The following TPH2 variants were observed in gnomAD, a reference collection of about 807,000 sequenced individuals.
The protein encoded by TPH2 is tryptophan hydroxylase 2, also known as tryptophan 5-hydroxylase 2.
In TPH2, 27 loss-of-function variants were observed where a neutral mutation model predicts 59.1. The ratio of observed to expected loss-of-function variants is 0.46; its 90% CI spans 0.34 to 0.63. TPH2 has a LOEUF of 0.63. Ranked by LOEUF, TPH2 falls within the 30% of genes least tolerant of loss-of-function variation. The pLI, the probability that TPH2 is intolerant of heterozygous loss-of-function variation, is 0.01. For synonymous variants in TPH2, 220 were observed against 210.5 expected (o/e 1.05, Z -0.39); for missense variants, 523 against 588.3 (o/e 0.89, Z 1.15).
At chr12:71,940,016 T>G (rs1566108150) in intron 1 of TPH2, among the ~76,000 whole-genome samples, 1 of 152,178 alleles carries the variant, frequency 6.6e-6, no homozygotes, top group Non-Finnish European at 1.5e-5. Flanking sequence ...AAAGTAAACA[T>G]GGCAACTTCT....
chr12:71,970,856 C>A (rs1468761097), intron 5 of TPH2, among the ~76,000 whole-genome samples: 2 of 152,310 alleles, frequency 1.3e-5, no homozygotes, highest in African/African-American at 4.8e-5. Flanking sequence ...AAGACCTAGT[C>A]TTGGTATTCA....
chr12:72,006,663 T>G (rs569331622), intron 8 of TPH2, among the ~76,000 whole-genome samples: 1 of 152,122 alleles, frequency 6.6e-6, no homozygotes, highest in East Asian at 1.9e-4. Flanking sequence ...CTTGCTAACA[T>G]TGGACAATGT....
rs779491967 is a variant in TPH2, at chr12:71,938,991, A to T, written c.5A>T (p.Gln2Leu). M[Q>L]PAMMMFSSKY... ...AAGAATATTACACCGGGATCCATGC[A>T]GCCAGCAATGATGATGTTTTCCAGT... Residue 2 changes from glutamine to leucine, a missense_variant, in exon 1 of 11, where the codon CAG becomes CTG. By Grantham distance (113) the Gln-to-Leu change is moderately radical. Coordinates refer to ENST00000333850, the MANE Select transcript of TPH2 (RefSeq NM_173353.4). 3.7e-5 allele frequency: 59 copies of T among 1,613,738 alleles called. No individual in the cohort carries two copies. Among genetic ancestry groups the T allele is most frequent in the Non-Finnish European group, 5.0e-5 (59 of 1,179,780 alleles).
At chr12:71,986,719 G>A (rs12231731) in intron 7 of TPH2, among the ~76,000 whole-genome samples, 6,999 of 149,574 alleles carry the variant, frequency 0.047, 278 homozygotes, top group South Asian at 0.17. Context: ...TTCCTTGTGC[G>A]GAGCCCATAA....
intron 8 of TPH2, among the ~76,000 whole-genome samples, chr12:72,004,057 C>T (rs779888236): frequency 7.2e-6 from 1 of 138,830 alleles, no homozygotes; most frequent in Non-Finnish European, 1.6e-5. Flanking sequence ...TGCAGAAGCA[C>T]CATAGTCAAC....
chr12:71,981,363 C>T (rs1317569655), intron 7 of TPH2, among the ~76,000 whole-genome samples: 1 of 152,106 alleles, frequency 6.6e-6, no homozygotes, highest in Admixed American at 6.5e-5. Flanking sequence ...GGGAGCTATC[C>T]AAGGTTCTTA....
chr12:71,966,650 T>C (rs1871826526), intron 5 of TPH2, among the ~76,000 whole-genome samples: 1 of 152,200 alleles, frequency 6.6e-6, no homozygotes, highest in Non-Finnish European at 1.5e-5. Flanking sequence ...GATTCACCCA[T>C]TCCCTTACCC....
chr12:72,029,936 T>G (rs188366617), intron 9 of TPH2, among the ~76,000 whole-genome samples: 17 of 152,136 alleles, frequency 1.1e-4, no homozygotes, highest in African/African-American at 4.1e-4. Context: ...GTTTTCTGAA[T>G]TTCTCCAGGA....
At chr12:71,987,502 C>T (rs1296258023) in intron 7 of TPH2, among the ~76,000 whole-genome samples, 1 of 152,062 alleles carries the variant, frequency 6.6e-6, no homozygotes, top group Non-Finnish European at 1.5e-5. Context: ...GTAATAATAC[C>T]TAACTTACGG....
intron 8 of TPH2, among the ~76,000 whole-genome samples, chr12:72,009,982 T>C (rs1375757574): frequency 6.6e-6 from 1 of 152,216 alleles, no homozygotes; most frequent in Non-Finnish European, 1.5e-5. Flanking sequence ...TCAAGCTCCA[T>C]GTCAGTTTCC....
At chr12:71,974,185 C>A (rs1872052193) in intron 6 of TPH2, among the ~76,000 whole-genome samples, 1 of 152,114 alleles carries the variant, frequency 6.6e-6, no homozygotes, top group Admixed American at 6.5e-5. Context: ...ACTCATCAGG[C>A]TTGCCTCTAA....
chr12:71,966,846 A>G (rs1871832158), intron 5 of TPH2, among the ~76,000 whole-genome samples: 1 of 152,176 alleles, frequency 6.6e-6, no homozygotes, highest in Admixed American at 6.5e-5. Flanking sequence ...AAGTTCTTCT[A>G]AAGATAACAC....
At chr12:71,964,825 TTTG>T (rs1871771629) in intron 5 of TPH2, 1 of 787,136 alleles carries the variant, frequency 1.3e-6, no homozygotes, top group Non-Finnish European at 1.5e-6. Context: ...CATGTGAAGG[TTTG>T]TTACATAGGT....
rs116663711 is a variant in TPH2 at position 72,030,616 on chromosome 12, A to G, written c.1165-642A>G. Among the ~76,000 whole-genome samples, 485 of 152,256 alleles carry G rather than the reference A, an allele frequency of 3.2e-3. 2 individuals are homozygous for G. The highest frequency in any genetic ancestry group is 0.011 in the African/African-American group (468 of 41,540). On this transcript the variant is annotated intron_variant, in intron 9 of 10. Transcript: ENST00000333850. ...AATACCTGCTCTTGGCATAACTCTG[A>G]CTATTAATATTAGCTCCTTTTTTCC... is the stretch of plus-strand genomic sequence containing the variant.
chr12:72,022,312 C>T (rs888113707), intron 8 of TPH2, 87 bp from the exon 9 acceptor site: 4 of 858,556 alleles, frequency 4.7e-6, no homozygotes, highest in African/African-American at 3.3e-5. Context: ...AAATTATGCA[C>T]AGCCCACCAT....
intron 7 of TPH2, among the ~76,000 whole-genome samples, chr12:71,990,885 G>A (rs1462353425): frequency 6.6e-6 from 1 of 152,174 alleles, no homozygotes; most frequent in Non-Finnish European, 1.5e-5. Flanking sequence ...TTATAACAGA[G>A]CAAAGAGTAT....
At chr12:72,009,751 A>G (rs1873051394) in intron 8 of TPH2, among the ~76,000 whole-genome samples, 2 of 152,252 alleles carry the variant, frequency 1.3e-5, no homozygotes, top group African/African-American at 4.8e-5. Context: ...ACATGGCAGA[A>G]TGGCTGCAGG....
At chr12:72,028,404 C>T (rs1708519113) in intron 9 of TPH2, among the ~76,000 whole-genome samples, 1 of 152,108 alleles carries the variant, frequency 6.6e-6, no homozygotes, top group African/African-American at 2.4e-5. Flanking sequence ...AAATGAGAAG[C>T]AAACTCAGTC....
At chr12:72,031,148 A>G in intron 9 of TPH2, 110 bp from the exon 10 acceptor site, 13 of 1,390,318 alleles carry the variant, frequency 9.4e-6, no homozygotes, top group Non-Finnish European at 1.3e-5. Context: ...CTAGTAACTG[A>G]GCAGCTCTGT....
Sources: gnomAD v4.1 joint callset for allele counts (sites outside exome capture counted in the v4.1 genomes callset) on GRCh38, gnomAD v4.1.1 for gene constraint, MANE v1.5 for transcripts, NCBI Gene and HGNC (gene_info 2026-07-23, HGNC 2026-07-21) for gene names.